CFAP92: variants seen among roughly 807,000 people sequenced by gnomAD.
The protein encoded by CFAP92 is uncharacterized protein CFAP92.
CFAP92 carries 86 observed loss-of-function variants against 106.3 expected under a neutral mutation model. That is an observed-to-expected ratio of 0.81 (90% confidence interval 0.68 to 0.97). CFAP92 has a LOEUF of 0.97. Among genes scored for constraint, CFAP92 ranks in the 50% least tolerant of loss-of-function variants. The pLI is 0.00. For missense variants in CFAP92, 1,204 were observed against 1,283.8 expected, an observed-to-expected ratio of 0.94 and a Z score of 0.95; for synonymous variants, 477 against 506.4, an observed-to-expected ratio of 0.94 and a Z score of 0.78.
intron 1 of CFAP92, among the ~76,000 whole-genome samples, chr3:128,999,727 A>AT (rs1553764556): frequency 3.5e-5 from 5 of 142,720 alleles, no homozygotes; most frequent in African/African-American, 1.5e-4. Flanking sequence ...TTTAGTAGAG[A>AT]TGGGGGTGGT....
At chr3:128,983,204 C>G (rs1943638072) in intron 4 of CFAP92, among the ~76,000 whole-genome samples, 1 of 152,154 alleles carries the variant, frequency 6.6e-6, no homozygotes, top group Admixed American at 6.5e-5. Context: ...TCTCCTGGAG[C>G]TGCTGCCTCC....
intron 4 of CFAP92, among the ~76,000 whole-genome samples, chr3:128,979,496 C>T (rs9681898): frequency 2.3e-4 from 35 of 152,256 alleles, no homozygotes; most frequent in Admixed American, 3.9e-4. Flanking sequence ...CACATGCACA[C>T]GTATGTTTAT....
chr3:129,021,948 C>G, the CFAP92 span, among the ~76,000 whole-genome samples: 7 of 152,222 alleles, frequency 4.6e-5, no homozygotes, highest in South Asian at 2.1e-4. Flanking sequence ...TGGAATAGCA[C>G]AGGGCCATTG....
At chr3:128,912,702 A>T (rs756903759) in intron 15 of CFAP92, 1 of 1,167,204 alleles carries the variant, frequency 8.6e-7, no homozygotes, top group Non-Finnish European at 1.3e-6. Context: ...TGGGATTATC[A>T]CAGGTTAAGC....
intron 13 of CFAP92, 66 bp downstream of exon 13, chr3:128,916,040 CA>C: frequency 8.8e-7 from 1 of 1,138,368 alleles, no homozygotes; most frequent in Non-Finnish European, 1.1e-6. Context: ...GACCTCCAGG[CA>C]GGCATGGTCA....
intron 15 of CFAP92, chr3:128,914,866 A>G (rs1936676318): frequency 2.1e-6 from 1 of 482,070 alleles, no homozygotes; most frequent in Middle Eastern, 5.7e-4. Flanking sequence ...TAGCCAAGAA[A>G]CCAGACCCAG....
At chr3:128,952,714 A>C (rs1036425830) in intron 9 of CFAP92, among the ~76,000 whole-genome samples, 2 of 152,110 alleles carry the variant, frequency 1.3e-5, no homozygotes, top group African/African-American at 4.8e-5. Context: ...TCAGGAGTTC[A>C]AGGCTGCAGT....
chr3:129,004,029 G>T (rs1179366426), upstream of CFAP92: 2 of 1,510,860 alleles, frequency 1.3e-6, no homozygotes, highest in Admixed American at 2.0e-5. Context: ...CAGGTGCCCG[G>T]CTTGCAGCGC....
chr3:128,935,820 A>G (rs1938952759), intron 10 of CFAP92, among the ~76,000 whole-genome samples: 1 of 152,268 alleles, frequency 6.6e-6, no homozygotes, highest in Admixed American at 6.5e-5. Context: ...CCCTGTCTCA[A>G]AACAACAAAA....
chr3:128,985,942 C>T (rs187520878), intron 4 of CFAP92, among the ~76,000 whole-genome samples: 178 of 152,248 alleles, frequency 1.2e-3, no homozygotes, highest in Non-Finnish European at 2.0e-3. Flanking sequence ...TGGGTAGAGG[C>T]CAGAAATGCT....
chr3:128,953,772 CG>C lies in CFAP92; in HGVS notation c.1354-7798del, dbSNP rs1472651746. Among the ~76,000 whole-genome samples the C allele has an allele frequency of 6.5e-5, 8 of 122,320 alleles. 1 individual carries two copies. In the East Asian group the frequency reaches 2.1e-3, roughly 32 times the overall value. 80.2% of individuals were successfully genotyped at this position (122,320 alleles called of 152,430 possible). On this transcript the variant is annotated intron_variant, in intron 9 of 15. Coordinates refer to ENST00000645291, the MANE Select transcript of CFAP92 (RefSeq NM_001394090.1). The stretch of plus-strand genomic sequence containing the variant: ...CTGCGATTGCAGGCACGCGCCACCA[CG>C]CCTGACTGGTTTTGGTGGAGACGGG...
At chr3:128,984,890 A>G (rs935666935) in intron 4 of CFAP92, among the ~76,000 whole-genome samples, 1 of 152,226 alleles carries the variant, frequency 6.6e-6, no homozygotes, top group African/African-American at 2.4e-5. Flanking sequence ...TGCACTCCCA[A>G]GAAATAAGAG....
At position 128,975,776 on chromosome 3, in the gene CFAP92, T is replaced by C; in HGVS notation, c.1021+3A>G. 6.3e-7 allele frequency: 1 copy of C among 1,583,236 alleles called. No individual in the cohort carries two copies. The highest frequency in any genetic ancestry group is 1.2e-5 in the South Asian group (1 of 84,936). ...AAAATTCCCAAATCCTATCCTAACT[T>C]ACTTTGAGACCTTTGTCTGTCTAAT... On this transcript the variant is annotated splice_donor_region_variant and intron_variant, in intron 7 of 15. Transcript: ENST00000645291.
Position 128,936,420 on chromosome 3 carries a change from C to T in CFAP92, c.2259-1101G>A, listed in dbSNP as rs1181450917. Among the ~76,000 whole-genome samples, 7 of 152,136 alleles carry T rather than the reference C, an allele frequency of 4.6e-5. No individual in the cohort carries two copies. In the South Asian group the frequency reaches 1.4e-3, roughly 31 times the overall value. ...ACACTGCAAATAATTTTGTTTGTAGCTTGTCTTTTCATGACTTTTATGGTG... is the reference window on the plus strand; with the variant it reads ...ACACTGCAAATAATTTTGTTTGTAGTTTGTCTTTTCATGACTTTTATGGTG... On this transcript the variant is annotated intron_variant, in intron 10 of 15. Coordinates refer to ENST00000645291, the MANE Select transcript of CFAP92 (RefSeq NM_001394090.1).
At chr3:128,989,392 G>A (rs1944073917) in intron 2 of CFAP92, among the ~76,000 whole-genome samples, 1 of 151,474 alleles carries the variant, frequency 6.6e-6, no homozygotes, top group South Asian at 2.1e-4. Context: ...AACTCTGCAT[G>A]GGGAGGGTGG....
chr3:129,006,705 C>G (rs1945089626), upstream of CFAP92, among the ~76,000 whole-genome samples: 1 of 152,128 alleles, frequency 6.6e-6, no homozygotes, highest in Admixed American at 6.5e-5. Context: ...AATTGAGGAC[C>G]AGAGAATGAG....
chr3:128,991,799 A>T, intron 2 of CFAP92: 1 of 990,362 alleles, frequency 1.0e-6, no homozygotes, highest in Non-Finnish European at 1.2e-6. Flanking sequence ...CCATCGACAG[A>T]ATACCAGGAG....
intron 1 of CFAP92, chr3:129,001,881 G>A (rs1343923110): frequency 1.3e-6 from 2 of 1,541,944 alleles, no homozygotes; most frequent in Non-Finnish European, 1.7e-6. Context: ...GCTCTGCGCT[G>A]TGCTGGGGCT....
At chr3:128,931,473 A>ATATATATGTATG (rs1164642649) in intron 12 of CFAP92, among the ~76,000 whole-genome samples, 1 of 53,182 alleles carries the variant, frequency 1.9e-5, no homozygotes, top group African/African-American at 2.8e-4. Flanking sequence ...ATACACATAC[A>ATATATATGTATG]TGTATATATA....
Sources: gnomAD v4.1 joint callset for allele counts (sites outside exome capture counted in the v4.1 genomes callset) on GRCh38, gnomAD v4.1.1 for gene constraint, MANE v1.5 for transcripts, NCBI Gene and HGNC (gene_info 2026-07-23, HGNC 2026-07-21) for gene names.